Variants in EIF3H observed in about 807,000 individuals in gnomAD.
EIF3H encodes the protein eukaryotic translation initiation factor 3 subunit H, also known as eIF-3-gamma.
In EIF3H, 26 loss-of-function variants were observed where a neutral mutation model predicts 44.2. The observed-to-expected ratio is 0.59, with a 90% CI of 0.43 to 0.82. EIF3H has a LOEUF of 0.82. EIF3H is among the 40% of genes least tolerant of loss of function. The probability of loss-of-function intolerance (pLI) is 0.00; values close to 1 mark genes in which losing one functional copy is unlikely to be tolerated. For missense variants in EIF3H, 359 were observed against 432.8 expected (o/e 0.83, Z 1.51); for synonymous variants, 166 against 151.9 (o/e 1.09, Z -0.68).
At chr8:116,655,549 A>G (rs1194436936) in intron 5 of EIF3H, among the ~76,000 whole-genome samples, 6 of 152,212 alleles carry the variant, frequency 3.9e-5, no homozygotes, top group Non-Finnish European at 8.8e-5. Flanking sequence ...GCTGAGCCAT[A>G]TAAAAAAGCC....
chr8:116,681,310 C>T (rs920051082), intron 2 of EIF3H, among the ~76,000 whole-genome samples: 7 of 151,982 alleles, frequency 4.6e-5, no homozygotes, highest in Admixed American at 4.6e-4. Context: ...TGTAGTGAGC[C>T]GAGATCAGGC....
chr8:116,703,494 G>C (rs1321825814), intron 2 of EIF3H, among the ~76,000 whole-genome samples: 1 of 152,166 alleles, frequency 6.6e-6, no homozygotes, highest in Non-Finnish European at 1.5e-5. Context: ...TCACGCTCCC[G>C]GTCCACTTTC....
intron 1 of EIF3H, among the ~76,000 whole-genome samples, chr8:116,750,644 C>T (rs1427957478): frequency 6.6e-6 from 1 of 151,910 alleles, no homozygotes; most frequent in East Asian, 2.0e-4. Context: ...CTCCTGACCT[C>T]GTGTGATCTG....
At chr8:116,737,532 T>C (rs1563657906) in intron 1 of EIF3H, among the ~76,000 whole-genome samples, 2 of 151,894 alleles carry the variant, frequency 1.3e-5, no homozygotes, top group Non-Finnish European at 2.9e-5. Context: ...GGCTGGCACC[T>C]GTAACCCCAG....
intron 1 of EIF3H, among the ~76,000 whole-genome samples, chr8:116,736,949 A>G (rs1412496540): frequency 1.3e-5 from 2 of 152,234 alleles, no homozygotes; most frequent in Non-Finnish European, 2.9e-5. Flanking sequence ...GTTGAAGACA[A>G]AGTATACTGC....
At chr8:116,717,787 T>C (rs1814679175) in intron 2 of EIF3H, among the ~76,000 whole-genome samples, 1 of 152,084 alleles carries the variant, frequency 6.6e-6, no homozygotes, top group African/African-American at 2.4e-5. Context: ...CCTGAAACCA[T>C]AAAAATTCTA....
intron 2 of EIF3H, among the ~76,000 whole-genome samples, chr8:116,695,671 G>A (rs1814258603): frequency 6.6e-6 from 1 of 152,168 alleles, no homozygotes; most frequent in Admixed American, 6.5e-5. Flanking sequence ...GCAGGGTAAG[G>A]AAGGCAGGGC....
At chr8:116,681,308 G>A (rs1457812603) in intron 2 of EIF3H, among the ~76,000 whole-genome samples, 1 of 152,120 alleles carries the variant, frequency 6.6e-6, no homozygotes, top group Non-Finnish European at 1.5e-5. Context: ...GTTGTAGTGA[G>A]CCGAGATCAG....
chr8:116,710,765 G>T (rs181738562), intron 2 of EIF3H, among the ~76,000 whole-genome samples: 1 of 152,270 alleles, frequency 6.6e-6, no homozygotes, highest in Admixed American at 6.5e-5. Context: ...GGGTTTTCTG[G>T]TTCTGCATTT....
chr8:116,749,876 T>A (rs1815297888), intron 1 of EIF3H, among the ~76,000 whole-genome samples: 1 of 152,274 alleles, frequency 6.6e-6, no homozygotes, highest in African/African-American at 2.4e-5. Context: ...ACATTACAGA[T>A]ACAGAGGAAG....
intron 2 of EIF3H, among the ~76,000 whole-genome samples, chr8:116,662,787 A>G (rs1349114466): frequency 6.6e-6 from 1 of 152,234 alleles, no homozygotes; most frequent in Non-Finnish European, 1.5e-5. Context: ...CTGCCACACC[A>G]GCTGACATGT....
chr8:116,759,979 C>T (rs1815502325), upstream of EIF3H, among the ~76,000 whole-genome samples: 1 of 152,208 alleles, frequency 6.6e-6, no homozygotes, highest in Non-Finnish European at 1.5e-5. Flanking sequence ...GATCCTCCTA[C>T]CTTGGTTTCC....
intron 1 of EIF3H, among the ~76,000 whole-genome samples, chr8:116,751,660 C>A (rs924312810): frequency 6.6e-5 from 10 of 152,178 alleles, no homozygotes; most frequent in Admixed American, 2.0e-4. Context: ...CCATTACTGG[C>A]AGAAATATAA....
chr8:116,736,815 A>G (rs574732912), intron 1 of EIF3H, among the ~76,000 whole-genome samples: 7 of 152,234 alleles, frequency 4.6e-5, no homozygotes, highest in Non-Finnish European at 1.0e-4. Flanking sequence ...GAGATGCTAT[A>G]ATACCCAAAG....
At chr8:116,705,811 T>C (rs1480659445) in intron 2 of EIF3H, among the ~76,000 whole-genome samples, 3 of 152,084 alleles carry the variant, frequency 2.0e-5, no homozygotes, top group South Asian at 2.1e-4. Context: ...AACAGTAAGA[T>C]GTCAATGTTG....
intron 2 of EIF3H, among the ~76,000 whole-genome samples, chr8:116,688,436 A>G (rs1346681703): frequency 6.6e-6 from 1 of 152,206 alleles, no homozygotes; most frequent in Admixed American, 6.5e-5. Context: ...CAAAGGATAT[A>G]GCAATGAAAA....
chr8:116,753,293 ATAATTCAC>A (rs1463501777), intron 1 of EIF3H, among the ~76,000 whole-genome samples: 2 of 152,196 alleles, frequency 1.3e-5, no homozygotes, highest in Admixed American at 6.5e-5. Flanking sequence ...TGAATAAGAG[ATAATTCAC>A]TAAGTTCGTC....
At chr8:116,707,569 T>TTAC (rs1177101572) in intron 2 of EIF3H, among the ~76,000 whole-genome samples, 8 of 90,248 alleles carry the variant, frequency 8.9e-5, no homozygotes, top group Admixed American at 2.1e-4. Context: ...GAGATACTTA[T>TTAC]TTGATAATAT....
chr8:116,760,036 A>G (rs1815503104), upstream of EIF3H, among the ~76,000 whole-genome samples: 1 of 152,150 alleles, frequency 6.6e-6, no homozygotes, highest in African/African-American at 2.4e-5. Context: ...CAGCCTGCCA[A>G]TTTAAATTAT....
Sources: allele counts gnomAD v4.1 joint callset (sites outside exome capture counted in the v4.1 genomes callset), GRCh38; gene constraint gnomAD v4.1.1; transcripts MANE v1.5; gene names NCBI Gene and HGNC (gene_info 2026-07-23, HGNC 2026-07-21).